Variants in LMBR1 observed in about 807,000 individuals in gnomAD.
The protein encoded by LMBR1 is limb region 1 protein homolog.
Under a neutral mutation model 73.9 loss-of-function variants are expected in LMBR1, and 52 were observed. The ratio of observed to expected loss-of-function variants is 0.70; its 90% CI spans 0.56 to 0.89. LMBR1 has a LOEUF of 0.89. Ranked by LOEUF, LMBR1 falls within the 40% of genes least tolerant of loss-of-function variation. LMBR1 has a pLI of 0.00. For synonymous variants in LMBR1, 215 were observed against 209.4 expected, an observed-to-expected ratio of 1.03 and a Z score of -0.23; for missense variants, 539 against 579.8, an observed-to-expected ratio of 0.93 and a Z score of 0.72.
At chr7:156,707,806 A>G (rs1325600278) in intron 15 of LMBR1, among the ~76,000 whole-genome samples, 1 of 152,192 alleles carries the variant, frequency 6.6e-6, no homozygotes, top group African/African-American at 2.4e-5. Flanking sequence ...CACCACTCCT[A>G]TTCAACAGAG....
chr7:156,807,418 T>G (rs1832336689), intron 4 of LMBR1, among the ~76,000 whole-genome samples: 3 of 151,982 alleles, frequency 2.0e-5, no homozygotes, highest in Non-Finnish European at 4.4e-5. Flanking sequence ...TAATAGTTTT[T>G]GCCTGTTAAG....
At chr7:156,801,608 T>C (rs1830984879) in intron 4 of LMBR1, among the ~76,000 whole-genome samples, 1 of 152,210 alleles carries the variant, frequency 6.6e-6, no homozygotes, top group African/African-American at 2.4e-5. Context: ...CATGGCTCAC[T>C]GCAGCCTTGA....
Position 156,725,832 on chromosome 7 carries a change from A to G in LMBR1, c.999T>C (p.Pro333=), listed in dbSNP as rs774974735. Residue 333 remains proline (P), a synonymous_variant, in exon 13 of 17, where the codon CCT becomes CCC. Coordinates refer to ENST00000353442, the MANE Select transcript of LMBR1 (RefSeq NM_022458.4). ...ETAMPKGTRG[P]GIGNASLSTF... ...TAGAAAGAGAGGCATTTCCTATTCCAGGCCCCTGGGGTGGGAGAAAGACAC... is the reference window on the plus strand; with the variant it reads ...TAGAAAGAGAGGCATTTCCTATTCCGGGCCCCTGGGGTGGGAGAAAGACAC... The G allele has an allele frequency of 3.7e-6, 6 of 1,613,266 alleles. No individual in the cohort carries two copies. The highest frequency in any genetic ancestry group is 5.1e-6 in the Non-Finnish European group (6 of 1,179,486).
chr7:156,864,816 T>C (rs2134234028), intron 1 of LMBR1, among the ~76,000 whole-genome samples: 1 of 151,510 alleles, frequency 6.6e-6, no homozygotes, highest in African/African-American at 2.4e-5. Context: ...ACCAACATGG[T>C]GAAACCCCAT....
chr7:156,714,505 G>A (rs924367480), intron 15 of LMBR1, among the ~76,000 whole-genome samples: 49 of 152,210 alleles, frequency 3.2e-4, no homozygotes, highest in Admixed American at 2.7e-3. Flanking sequence ...CTCAGAATGT[G>A]AGGTTTGGAA....
chr7:156,865,254 C>A (rs1798292015), intron 1 of LMBR1, among the ~76,000 whole-genome samples: 1 of 151,916 alleles, frequency 6.6e-6, no homozygotes. Context: ...CTGCAGTGAG[C>A]CATGATCATG....
intron 1 of LMBR1, among the ~76,000 whole-genome samples, chr7:156,859,835 A>G (rs1797483860): frequency 6.6e-6 from 1 of 152,222 alleles, no homozygotes; most frequent in African/African-American, 2.4e-5. Flanking sequence ...GACCTAGAAT[A>G]GGTGACACAA....
At chr7:156,763,874 A>G in intron 5 of LMBR1, 79 bp from the exon 6 acceptor site, 2 of 1,171,572 alleles carry the variant, frequency 1.7e-6, no homozygotes, top group Non-Finnish European at 1.2e-6. Context: ...ATATGAAAGC[A>G]TAAAATAATC....
rs552525114 is a variant in LMBR1, at chr7:156,856,937, G to T, written c.67-20052C>A. Reference sequence around the variant, plus strand: ...TGCACTACTCATGAAGCAATACAATGTTATGTGAAAGTGAAGGTAGATTAC... The same window carrying T: ...TGCACTACTCATGAAGCAATACAATTTTATGTGAAAGTGAAGGTAGATTAC... On this transcript the variant is annotated intron_variant, in intron 1 of 16. Coordinates refer to ENST00000353442, the MANE Select transcript of LMBR1 (RefSeq NM_022458.4). Among the ~76,000 whole-genome samples the T allele has an allele frequency of 3.2e-4, 49 of 152,154 alleles. 1 individual carries two copies. In the South Asian group the frequency reaches 6.4e-3, roughly 20 times the overall value.
intron 4 of LMBR1, among the ~76,000 whole-genome samples, chr7:156,805,585 GT>G (rs1421601695): frequency 6.6e-6 from 1 of 152,094 alleles, no homozygotes; most frequent in African/African-American, 2.4e-5. Context: ...CTCTAACTTT[GT>G]TATCTTTCAA....
chr7:156,734,213 C>G lies in LMBR1; in HGVS notation c.802G>C (p.Glu268Gln). The G allele has an allele frequency of 6.2e-7, 1 of 1,609,164 alleles. No individual in the cohort carries two copies. Among genetic ancestry groups the G allele is most frequent in the Non-Finnish European group, 8.5e-7 (1 of 1,178,500 alleles). Reference sequence around the variant, plus strand: ...TTAAGAGTCTTTACATTTTCAAGTTCTTGTTCCAACTCCATTATGTTGTAT... The same window carrying G: ...TTAAGAGTCTTTACATTTTCAAGTTGTTGTTCCAACTCCATTATGTTGTAT... ...VEYNIMELEQ[E>Q]LENVKTLKTK... Residue 268 changes from glutamate to glutamine, a missense_variant, in exon 10 of 17, where the codon GAA (glutamate) becomes CAA (glutamine). This residue lies in a region of LMBR1 where 454 missense variants were observed against 473.4 expected (regional missense o/e 0.96). Coordinates refer to ENST00000353442, the MANE Select transcript of LMBR1 (RefSeq NM_022458.4).
chr7:156,752,283 C>T (rs1821048615), intron 9 of LMBR1, among the ~76,000 whole-genome samples: 1 of 152,134 alleles, frequency 6.6e-6, no homozygotes, highest in South Asian at 2.1e-4. Flanking sequence ...GTGAGCTTTG[C>T]CATAAAGACC....
At chr7:156,872,057 A>C (rs1264110073) in intron 1 of LMBR1, 2 of 152,180 alleles carry the variant, frequency 1.3e-5, no homozygotes, top group African/African-American at 4.8e-5. Flanking sequence ...GTTTTTTAAA[A>C]CTGTTAGAAC....
At chr7:156,761,992 A>AAC in intron 8 of LMBR1, 142 bp downstream of exon 8, 3 of 577,686 alleles carry the variant, frequency 5.2e-6, no homozygotes, top group South Asian at 2.2e-5. Flanking sequence ...AAAAAAAAAA[A>AAC]CTTAATAAAA....
intron 4 of LMBR1, among the ~76,000 whole-genome samples, chr7:156,806,896 G>A (rs1398711314): frequency 6.6e-6 from 1 of 152,154 alleles, no homozygotes. Context: ...ACAGGCGTGA[G>A]CCACTACGCC....
chr7:156,745,580 G>A (rs1819702298), intron 9 of LMBR1, among the ~76,000 whole-genome samples: 1 of 152,206 alleles, frequency 6.6e-6, no homozygotes, highest in South Asian at 2.1e-4. Flanking sequence ...GGGAGAGACT[G>A]AAAGGAGGAT....
In LMBR1 at chr7:156,678,977, T is replaced by A. The variant is rs989688771; in HGVS notation, c.*5101A>T. 2 of 152,144 alleles carry A rather than the reference T, an allele frequency of 1.3e-5. No individual in the cohort carries two copies. The highest frequency in any genetic ancestry group is 4.8e-5 in the African/African-American group (2 of 41,432). The allele number at this position is 152,144 out of a possible 1,614,324, so 9.4% of individuals were successfully genotyped here. A position where few individuals can be genotyped will look rare whatever the true frequency, so the allele number is the denominator to read the frequency against. On this transcript the variant is annotated 3_prime_UTR_variant, in exon 17 of 17. Transcript: ENST00000353442. ...TAATCTAGAATGAGGATACCTGTCA[T>A]GAATCTTTATCAACCAGATAATAGA... is the stretch of plus-strand genomic sequence containing the variant.
chr7:156,732,057 T>A (rs998566406), intron 10 of LMBR1, among the ~76,000 whole-genome samples: 20 of 151,936 alleles, frequency 1.3e-4, no homozygotes, highest in African/African-American at 4.8e-4. Flanking sequence ...TCAGGAAATA[T>A]TATTAACAGA....
In LMBR1 at chr7:156,768,213, C is replaced by T. The variant is rs112766508; in HGVS notation, c.424-4418G>A. Reference sequence around the variant, plus strand: ...CCAGCATGGTGAAAGCCCGTCTCTACTAAAAACACAAAGATTAGCTGTAAT... The same window carrying T: ...CCAGCATGGTGAAAGCCCGTCTCTATTAAAAACACAAAGATTAGCTGTAAT... On this transcript the variant is annotated intron_variant, in intron 5 of 16. Transcript: ENST00000353442. 2.3e-3 allele frequency among the ~76,000 whole-genome samples: 343 copies of T among 152,104 alleles called. 3 individuals are homozygous for T. Among genetic ancestry groups the T allele is most frequent in the African/African-American group, 8.0e-3 (330 of 41,488 alleles).
Sources: gnomAD v4.1 joint callset for allele counts (sites outside exome capture counted in the v4.1 genomes callset) on GRCh38, gnomAD v4.1.1 for gene constraint, gnomAD v4.1.1 regional missense constraint, MANE v1.5 for transcripts, NCBI Gene and HGNC (gene_info 2026-07-23, HGNC 2026-07-21) for gene names.